EYS: variants seen among roughly 807,000 people sequenced by gnomAD.
EYS encodes protein eyes shut homolog.
Under a neutral mutation model 282.1 loss-of-function variants are expected in EYS, and 250 were observed. The ratio of observed to expected loss-of-function variants is 0.89; its 90% CI spans 0.80 to 0.98. The LOEUF (loss-of-function observed/expected upper bound fraction) is 0.98, where lower values mean the gene tolerates loss of function less well. Ranked by LOEUF, EYS falls within the 50% of genes least tolerant of loss-of-function variation. The probability of loss-of-function intolerance (pLI) is 0.00; values close to 1 mark genes in which losing one functional copy is unlikely to be tolerated. For missense variants in EYS, 4,016 were observed against 3,709.0 expected (o/e 1.08, Z -2.15); for synonymous variants, 1,355 against 1,282.9 (o/e 1.06, Z -1.20).
chr6:65,444,615 T>C (rs185775481), intron 5 of EYS, among the ~76,000 whole-genome samples: 196 of 152,100 alleles, frequency 1.3e-3, no homozygotes, highest in Middle Eastern at 3.4e-3. Context: ...GGTTTTGTTG[T>C]TCTATAAAAT....
intron 41 of EYS, among the ~76,000 whole-genome samples, chr6:63,749,871 C>T (rs1438103908): frequency 1.3e-5 from 2 of 152,198 alleles, no homozygotes; most frequent in Admixed American, 6.5e-5. Flanking sequence ...TCAGTGCCTT[C>T]CCTCTGAAGA....
intron 11 of EYS, among the ~76,000 whole-genome samples, chr6:65,318,322 C>G (rs1174114299): frequency 6.6e-6 from 1 of 151,600 alleles, no homozygotes; most frequent in Non-Finnish European, 1.5e-5. Context: ...ACAGAGAGAA[C>G]AAGAGAGCTC....
At chr6:64,237,850 TA>T (rs1177839451) in intron 30 of EYS, among the ~76,000 whole-genome samples, 1 of 152,130 alleles carries the variant, frequency 6.6e-6, no homozygotes, top group Non-Finnish European at 1.5e-5. Flanking sequence ...GTCATTATAT[TA>T]AAGGAGGAAA....
intron 26 of EYS, among the ~76,000 whole-genome samples, chr6:64,486,593 G>A (rs544631408): frequency 2.0e-5 from 3 of 151,534 alleles, no homozygotes; most frequent in African/African-American, 7.2e-5. Context: ...CAGGCATGCG[G>A]TCTGTATGTT....
At chr6:63,723,041 T>C (rs1768466498) in intron 42 of EYS, among the ~76,000 whole-genome samples, 1 of 152,210 alleles carries the variant, frequency 6.6e-6, no homozygotes, top group Non-Finnish European at 1.5e-5. Context: ...CAAAACGGTA[T>C]CTGGCCCATA....
chr6:64,179,514 G>A (rs1764731357), intron 31 of EYS, among the ~76,000 whole-genome samples: 2 of 151,982 alleles, frequency 1.3e-5, no homozygotes, highest in Admixed American at 1.3e-4. Flanking sequence ...TATTCACACG[G>A]CTTCAATATT....
At chr6:64,211,032 C>G (rs1265384302) in intron 31 of EYS, among the ~76,000 whole-genome samples, 1 of 152,096 alleles carries the variant, frequency 6.6e-6, no homozygotes, top group Admixed American at 6.5e-5. Flanking sequence ...AGAGTTACAC[C>G]ATCAACTTCC....
At chr6:65,602,747 C>T (rs1379710290) in intron 2 of EYS, among the ~76,000 whole-genome samples, 1 of 151,934 alleles carries the variant, frequency 6.6e-6, no homozygotes, top group Non-Finnish European at 1.5e-5. Context: ...TTGTAAATAT[C>T]TGAATGAAAG....
At chr6:64,735,590 A>T (rs9345440) in intron 22 of EYS, among the ~76,000 whole-genome samples, 149,582 of 152,320 alleles carry the variant, frequency 0.98, 73,480 homozygotes, top group Non-Finnish European at 1. Flanking sequence ...AGTAAAGTAT[A>T]TGAGTTTGAT....
chr6:64,686,901 G>GTATATATGTGTA (rs1371382140), intron 22 of EYS, among the ~76,000 whole-genome samples: 15 of 32,062 alleles, frequency 4.7e-4, no homozygotes, highest in African/African-American at 1.1e-3. Context: ...ATATATATGT[G>GTATATATGTGTA]TATATATATA....
At chr6:65,554,281 G>T (rs368402901) in intron 2 of EYS, among the ~76,000 whole-genome samples, 13 of 152,098 alleles carry the variant, frequency 8.5e-5, no homozygotes. Flanking sequence ...CAAAGATTTA[G>T]TATCCGCATG....
intron 20 of EYS, among the ~76,000 whole-genome samples, chr6:64,822,151 G>A (rs544371794): frequency 6.6e-6 from 1 of 152,058 alleles, no homozygotes; most frequent in South Asian, 2.1e-4. Flanking sequence ...TTTGCCACCT[G>A]CATCTTCTAG....
chr6:65,628,816 C>T (rs1008120811), intron 2 of EYS, among the ~76,000 whole-genome samples: 7 of 152,176 alleles, frequency 4.6e-5, no homozygotes, highest in South Asian at 2.1e-4. Flanking sequence ...CGAGGGTCCG[C>T]GGCTTCATTC....
intron 12 of EYS, among the ~76,000 whole-genome samples, chr6:65,111,821 T>C (rs1474324587): frequency 1.3e-5 from 2 of 152,170 alleles, no homozygotes; most frequent in African/African-American, 4.8e-5. Context: ...CACTCCAGTC[T>C]GGGTGACAAA....
intron 12 of EYS, among the ~76,000 whole-genome samples, chr6:65,215,264 G>A (rs963945005): frequency 6.6e-6 from 1 of 152,094 alleles, no homozygotes; most frequent in African/African-American, 2.4e-5. Flanking sequence ...GTTCATGGGA[G>A]GAGGTCAAAT....
At chr6:64,224,810 A>G (rs1306074108) in intron 31 of EYS, among the ~76,000 whole-genome samples, 1 of 151,028 alleles carries the variant, frequency 6.6e-6, no homozygotes, top group Non-Finnish European at 1.5e-5. Flanking sequence ...ATGTGCACAC[A>G]TGCTATGAAT....
chr6:64,497,080 C>T (rs1776911758), intron 26 of EYS, among the ~76,000 whole-genome samples: 1 of 151,976 alleles, frequency 6.6e-6, no homozygotes, highest in Non-Finnish European at 1.5e-5. Flanking sequence ...TATTGAAGAC[C>T]TACTACTATT....
intron 22 of EYS, among the ~76,000 whole-genome samples, chr6:64,776,056 G>A (rs1376763512): frequency 1.3e-5 from 2 of 152,000 alleles, no homozygotes; most frequent in Non-Finnish European, 2.9e-5. Flanking sequence ...AATGCAGAAA[G>A]CACTAAATCA....
chr6:63,799,001 A>G (rs528205370), intron 37 of EYS, among the ~76,000 whole-genome samples: 16 of 133,846 alleles, frequency 1.2e-4, no homozygotes, highest in South Asian at 2.2e-4. Context: ...ATATATATAT[A>G]TATATATATA....
Sources: allele counts gnomAD v4.1 joint callset (sites outside exome capture counted in the v4.1 genomes callset), GRCh38; gene constraint gnomAD v4.1.1; transcripts MANE v1.5; gene names NCBI Gene and HGNC (gene_info 2026-07-23, HGNC 2026-07-21).